Variants in CYP7B1 observed in about 807,000 individuals in gnomAD.
CYP7B1 encodes the protein cytochrome P450 family 7 subfamily B member 1.
CYP7B1 carries 29 observed loss-of-function variants against 42.7 expected under a neutral mutation model. The observed-to-expected ratio is 0.68, with a 90% CI of 0.51 to 0.93. The LOEUF is 0.93. Ranked by LOEUF, CYP7B1 falls within the 40% of genes least tolerant of loss-of-function variation. The pLI, the probability that CYP7B1 is intolerant of heterozygous loss-of-function variation, is 0.00. For missense variants in CYP7B1, 655 were observed against 600.5 expected, an observed-to-expected ratio of 1.09 and a Z score of -0.95; for synonymous variants, 235 against 218.2, an observed-to-expected ratio of 1.08 and a Z score of -0.68.
intron 1 of CYP7B1, among the ~76,000 whole-genome samples, chr8:64,633,809 G>A (rs1805731672): frequency 6.6e-6 from 1 of 152,114 alleles, no homozygotes; most frequent in African/African-American, 2.4e-5. Flanking sequence ...TATTGAAGGA[G>A]AAGAACAAAG....
rs1290846941 is a variant in CYP7B1 at position 64,604,704 on chromosome 8, G to C, written c.1211C>G (p.Pro404Arg). 1.9e-6 allele frequency: 3 copies of C among 1,613,990 alleles called. No individual in the cohort carries two copies. In the African/African-American group the frequency reaches 4.0e-5, roughly 22 times the overall value. Reference sequence around the variant, plus strand: ...TACCTCTGGAGCTTCAAAGATTTCAGGGTCACCATGTAGGACTGGAGGAAA... The same window carrying C: ...TACCTCTGGAGCTTCAAAGATTTCACGGTCACCATGTAGGACTGGAGGAAA... ...AIFPPVLHGDPEIFEAPEEFR... is the reference protein window; with the variant it reads ...AIFPPVLHGDREIFEAPEEFR... Residue 404 changes from proline (P) to arginine (R), a missense_variant, in exon 5 of 6, where the codon CCT becomes CGT. Pro to Arg is a moderately radical substitution (Grantham distance 103). Coordinates refer to ENST00000310193, the MANE Select transcript of CYP7B1 (RefSeq NM_004820.5).
At chr8:64,707,479 C>T (rs764959648) in intron 1 of CYP7B1, among the ~76,000 whole-genome samples, 6 of 152,042 alleles carry the variant, frequency 3.9e-5, no homozygotes, top group Non-Finnish European at 5.9e-5. Flanking sequence ...TTCACAAACA[C>T]AATCAGACTA....
At chr8:64,628,997 G>A (rs1249191134) in intron 1 of CYP7B1, among the ~76,000 whole-genome samples, 1 of 152,144 alleles carries the variant, frequency 6.6e-6, no homozygotes, top group Non-Finnish European at 1.5e-5. Flanking sequence ...GGAGGCTGAG[G>A]TGGGCGGATC....
chr8:64,689,814 C>A (rs920098716), intron 1 of CYP7B1, among the ~76,000 whole-genome samples: 1 of 152,114 alleles, frequency 6.6e-6, no homozygotes, highest in African/African-American at 2.4e-5. Flanking sequence ...ATGATCCACC[C>A]GCCTCATCCT....
At chr8:64,643,308 T>A (rs1032290942) in intron 1 of CYP7B1, among the ~76,000 whole-genome samples, 5 of 151,452 alleles carry the variant, frequency 3.3e-5, no homozygotes, top group Non-Finnish European at 5.9e-5. Flanking sequence ...ATAAAGTGAG[T>A]CGCATGAATT....
At chr8:64,676,963 C>A (rs1427241306) in intron 1 of CYP7B1, among the ~76,000 whole-genome samples, 3 of 151,972 alleles carry the variant, frequency 2.0e-5, no homozygotes, top group South Asian at 4.1e-4. Flanking sequence ...AATTAAGAGA[C>A]AAAACTGGTA....
intron 1 of CYP7B1, among the ~76,000 whole-genome samples, chr8:64,722,109 T>C (rs1807244888): frequency 1.3e-5 from 2 of 152,244 alleles, no homozygotes; most frequent in Admixed American, 1.3e-4. Flanking sequence ...TTTAATGAAA[T>C]TGGCCAAAGC....
chr8:64,621,796 T>C (rs1487408711), intron 2 of CYP7B1, among the ~76,000 whole-genome samples: 5 of 149,654 alleles, frequency 3.3e-5, no homozygotes, highest in Non-Finnish European at 3.0e-5. Context: ...AGTGCAGTGG[T>C]ACGATCTCGG....
intron 4 of CYP7B1, among the ~76,000 whole-genome samples, chr8:64,613,566 C>G (rs1368711717): frequency 6.6e-6 from 1 of 152,064 alleles, no homozygotes; most frequent in Admixed American, 6.6e-5. Flanking sequence ...ATAGAAATTA[C>G]AAATATGCCA....
chr8:64,660,486 T>C (rs1806185280), intron 1 of CYP7B1, among the ~76,000 whole-genome samples: 1 of 152,176 alleles, frequency 6.6e-6, no homozygotes, highest in Non-Finnish European at 1.5e-5. Context: ...CTTGAAGGCT[T>C]GACAGAGCTG....
chr8:64,642,352 C>T (rs113704477), intron 1 of CYP7B1, among the ~76,000 whole-genome samples: 10 of 152,022 alleles, frequency 6.6e-5, no homozygotes, highest in African/African-American at 2.4e-4. Context: ...GGGTCCACCT[C>T]GTTGGACTAT....
intron 1 of CYP7B1, among the ~76,000 whole-genome samples, chr8:64,671,664 C>G (rs1806369585): frequency 6.6e-6 from 1 of 152,112 alleles, no homozygotes; most frequent in Admixed American, 6.6e-5. Flanking sequence ...GACTTGACAG[C>G]TCCTGCAATC....
In CYP7B1 at chr8:64,792,264, A is replaced by G. The variant is rs181126559; in HGVS notation, c.122+6202T>C. Among the ~76,000 whole-genome samples the G allele has an allele frequency of 1.6e-3, 242 of 152,326 alleles. 1 individual carries two copies. The highest frequency in any genetic ancestry group is 5.4e-3 in the African/African-American group (226 of 41,574). ...CTCACTATTTATAATAAAATGTGAAAGGAAAGAGAGAGATTAAGAGAAGAA... is the reference window on the plus strand; with the variant it reads ...CTCACTATTTATAATAAAATGTGAAGGGAAAGAGAGAGATTAAGAGAAGAA... On this transcript the variant is annotated intron_variant, in intron 1 of 5. Coordinates refer to ENST00000310193, the MANE Select transcript of CYP7B1 (RefSeq NM_004820.5).
chr8:64,612,194 A>C (rs894650948), intron 4 of CYP7B1, among the ~76,000 whole-genome samples: 1 of 151,874 alleles, frequency 6.6e-6, no homozygotes, highest in Non-Finnish European at 1.5e-5. Flanking sequence ...TCCACCCCAG[A>C]TTTTTTTCTG....
At chr8:64,678,648 C>A (rs1405064267) in intron 1 of CYP7B1, among the ~76,000 whole-genome samples, 2 of 152,138 alleles carry the variant, frequency 1.3e-5, no homozygotes, top group African/African-American at 2.4e-5. Flanking sequence ...TCCTTGCCTG[C>A]TGGTCACATA....
At chr8:64,638,257 C>A (rs1466257985) in intron 1 of CYP7B1, among the ~76,000 whole-genome samples, 1 of 152,022 alleles carries the variant, frequency 6.6e-6, no homozygotes, top group Non-Finnish European at 1.5e-5. Context: ...AGCATCCATT[C>A]ATATTTGCAA....
intron 1 of CYP7B1, among the ~76,000 whole-genome samples, chr8:64,759,454 T>C (rs143694201): frequency 1.3e-5 from 2 of 152,212 alleles, no homozygotes; most frequent in South Asian, 2.1e-4. Flanking sequence ...TAAATTCCCA[T>C]GTGTTCCCCT....
At chr8:64,772,056 C>T (rs1397681604) in intron 1 of CYP7B1, among the ~76,000 whole-genome samples, 5 of 152,216 alleles carry the variant, frequency 3.3e-5, no homozygotes, top group Admixed American at 1.3e-4. Flanking sequence ...GACCTTGCTT[C>T]CTATTTGATA....
At chr8:64,693,198 G>T (rs1054494420) in intron 1 of CYP7B1, among the ~76,000 whole-genome samples, 1 of 152,202 alleles carries the variant, frequency 6.6e-6, no homozygotes, top group African/African-American at 2.4e-5. Flanking sequence ...TGCAGGTCTG[G>T]CCATGGCTAT....
Sources: allele counts gnomAD v4.1 joint callset (sites outside exome capture counted in the v4.1 genomes callset), GRCh38; gene constraint gnomAD v4.1.1; transcripts MANE v1.5; gene names NCBI Gene and HGNC (gene_info 2026-07-23, HGNC 2026-07-21).